Variants in CTNNA3 observed in about 807,000 individuals in gnomAD.
CTNNA3 encodes the protein catenin alpha-3.
In CTNNA3, 76 loss-of-function variants were observed where a neutral mutation model predicts 95.7. That is an observed-to-expected ratio of 0.79 (90% CI 0.66 to 0.96). The LOEUF is 0.96. Among genes scored for constraint, CTNNA3 ranks in the 40% least tolerant of loss-of-function variants. The pLI is 0.00. For synonymous variants in CTNNA3, 431 were observed against 374.4 expected (o/e 1.15, Z -1.74); for missense variants, 1,191 against 1,089.8 (o/e 1.09, Z -1.31).
intron 13 of CTNNA3, among the ~76,000 whole-genome samples, chr10:66,252,677 C>T (rs538362616): frequency 7.6e-4 from 115 of 152,010 alleles, no homozygotes; most frequent in African/African-American, 2.7e-3. Context: ...GAACCAAGAA[C>T]GAATAAAAAT....
chr10:67,378,675 C>T (rs1031073069), intron 5 of CTNNA3, among the ~76,000 whole-genome samples: 1 of 152,168 alleles, frequency 6.6e-6, no homozygotes, highest in African/African-American at 2.4e-5. Flanking sequence ...CTGTTCCTGA[C>T]TTATTTCACT....
chr10:67,045,381 TA>T (rs567603379), intron 7 of CTNNA3, among the ~76,000 whole-genome samples: 1 of 152,134 alleles, frequency 6.6e-6, no homozygotes. Flanking sequence ...CTCCATTTTT[TA>T]AAAAAAATTT....
intron 5 of CTNNA3, among the ~76,000 whole-genome samples, chr10:67,408,146 T>C (rs1159109889): frequency 6.6e-6 from 1 of 152,156 alleles, no homozygotes; most frequent in Non-Finnish European, 1.5e-5. Context: ...AATCAATGTT[T>C]TGAAAATGGC....
intron 1 of CTNNA3, among the ~76,000 whole-genome samples, chr10:67,705,943 T>C (rs969096383): frequency 7.2e-5 from 11 of 152,074 alleles, no homozygotes. Context: ...ATTCCAAAGC[T>C]GGCTTAGGGG....
At chr10:66,535,954 A>G (rs1664388299) in intron 10 of CTNNA3, among the ~76,000 whole-genome samples, 1 of 152,140 alleles carries the variant, frequency 6.6e-6, no homozygotes, top group South Asian at 2.1e-4. Context: ...GGTGAGCAAA[A>G]TTATTAGTTG....
intron 9 of CTNNA3, among the ~76,000 whole-genome samples, chr10:66,695,131 A>G (rs10997312): frequency 1.3e-5 from 2 of 152,192 alleles, no homozygotes; most frequent in East Asian, 3.9e-4. Flanking sequence ...AATGCCAGAG[A>G]TATTTCAAGG....
At chr10:66,072,965 C>CT (rs2080472304) in intron 14 of CTNNA3, among the ~76,000 whole-genome samples, 1 of 152,092 alleles carries the variant, frequency 6.6e-6, no homozygotes, top group South Asian at 2.1e-4. Context: ...AGAATGAAAT[C>CT]CTGTCATTTG....
At chr10:67,329,731 A>C (rs981212844) in intron 5 of CTNNA3, among the ~76,000 whole-genome samples, 1 of 152,240 alleles carries the variant, frequency 6.6e-6, no homozygotes, top group Non-Finnish European at 1.5e-5. Context: ...CTTACAATCC[A>C]CATTGTTAAG....
At chr10:67,490,924 A>G (rs1406373286) in intron 5 of CTNNA3, among the ~76,000 whole-genome samples, 3 of 152,180 alleles carry the variant, frequency 2.0e-5, no homozygotes, top group African/African-American at 7.2e-5. Context: ...AAAGCTACTG[A>G]GGAAATAAAC....
chr10:67,543,211 T>C (rs769166522), intron 3 of CTNNA3, among the ~76,000 whole-genome samples: 1 of 152,006 alleles, frequency 6.6e-6, no homozygotes, highest in Non-Finnish European at 1.5e-5. Flanking sequence ...AAAAATCAGT[T>C]ATGAAATGCC....
intron 1 of CTNNA3, among the ~76,000 whole-genome samples, chr10:67,652,797 T>G (rs544378220): frequency 6.6e-6 from 1 of 152,368 alleles, no homozygotes; most frequent in South Asian, 2.1e-4. Flanking sequence ...AAGTCATCTA[T>G]TAATCCCTTA....
chr10:67,093,329 T>C (rs1857770684), intron 7 of CTNNA3, among the ~76,000 whole-genome samples: 1 of 151,968 alleles, frequency 6.6e-6, no homozygotes, highest in Non-Finnish European at 1.5e-5. Flanking sequence ...TCAGGTAGGT[T>C]GACTAAGTCA....
At chr10:66,442,254 T>C (rs943279904) in intron 11 of CTNNA3, among the ~76,000 whole-genome samples, 1 of 152,182 alleles carries the variant, frequency 6.6e-6, no homozygotes, top group African/African-American at 2.4e-5. Flanking sequence ...CACTATTTTA[T>C]ATAAGGAACT....
chr10:67,009,880 G>A (rs1925622), intron 7 of CTNNA3, among the ~76,000 whole-genome samples: 75,188 of 151,908 alleles, frequency 0.49, 19,799 homozygotes, highest in Middle Eastern at 0.72. Context: ...TGGTTTGTAC[G>A]TACTGTCTCT....
At chr10:67,203,958 A>G (rs182047858) in intron 6 of CTNNA3, among the ~76,000 whole-genome samples, 3 of 152,240 alleles carry the variant, frequency 2.0e-5, no homozygotes, top group Non-Finnish European at 4.4e-5. Context: ...GGAGTAATTG[A>G]GGGAGTTCCA....
intron 5 of CTNNA3, among the ~76,000 whole-genome samples, chr10:67,301,850 T>C (rs916124821): frequency 6.6e-6 from 1 of 151,808 alleles, no homozygotes; most frequent in Non-Finnish European, 1.5e-5. Context: ...GCGCCTGTAG[T>C]CCCAGCTAAT....
At chr10:67,148,312 C>T (rs774528512) in intron 7 of CTNNA3, among the ~76,000 whole-genome samples, 1 of 152,164 alleles carries the variant, frequency 6.6e-6, no homozygotes, top group African/African-American at 2.4e-5. Context: ...TAGCCAGCAA[C>T]CTCCTTGAGG....
chr10:66,992,049 C>T (rs1194855886), intron 7 of CTNNA3, among the ~76,000 whole-genome samples: 1 of 152,060 alleles, frequency 6.6e-6, no homozygotes, highest in Non-Finnish European at 1.5e-5. Flanking sequence ...TCTTTGTGAA[C>T]GTCAACAATT....
At chr10:66,299,247 C>T (rs10822797) in intron 12 of CTNNA3, among the ~76,000 whole-genome samples, 33,212 of 152,016 alleles carry the variant, frequency 0.22, 3,794 homozygotes, top group Admixed American at 0.29. Context: ...CCTCCTGAGG[C>T]TGTGTCACAG....
Sources: gnomAD v4.1 joint callset for allele counts (sites outside exome capture counted in the v4.1 genomes callset) on GRCh38, gnomAD v4.1.1 for gene constraint, MANE v1.5 for transcripts, NCBI Gene and HGNC (gene_info 2026-07-23, HGNC 2026-07-21) for gene names.